The following DPP10 variants were observed in gnomAD, a reference collection of about 807,000 sequenced individuals.
The protein encoded by DPP10 is dipeptidyl peptidase like 10, also known as inactive dipeptidyl peptidase 10.
DPP10 carries 33 observed loss-of-function variants against 120.9 expected under a neutral mutation model. That is an observed-to-expected ratio of 0.27 (90% CI 0.21 to 0.37). DPP10 has a LOEUF of 0.37. Ranked by LOEUF, DPP10 falls within the 10% of genes least tolerant of loss-of-function variation. The pLI is 1.00. For missense variants in DPP10, 816 were observed against 942.8 expected (o/e 0.87, Z 1.76); for synonymous variants, 337 against 326.1 (o/e 1.03, Z -0.36).
chr2:115,375,433 G>A (rs564356523), intron 3 of DPP10, among the ~76,000 whole-genome samples: 2 of 152,226 alleles, frequency 1.3e-5, no homozygotes, highest in Admixed American at 6.5e-5. Context: ...CCCTTTTGGT[G>A]GAAACAATTA....
At chr2:114,864,829 C>A (rs1318226936) in intron 1 of DPP10, among the ~76,000 whole-genome samples, 1 of 152,182 alleles carries the variant, frequency 6.6e-6, no homozygotes, top group Non-Finnish European at 1.5e-5. Flanking sequence ...ACTACCTAGA[C>A]AAATGGTGCT....
At chr2:115,179,869 C>A (rs536239438) in intron 1 of DPP10, among the ~76,000 whole-genome samples, 1 of 152,016 alleles carries the variant, frequency 6.6e-6, no homozygotes, top group East Asian at 1.9e-4. Context: ...TACCAAGACT[C>A]GAAACCGTTT....
intron 1 of DPP10, among the ~76,000 whole-genome samples, chr2:115,136,931 C>T (rs919414057): frequency 1.3e-5 from 2 of 152,172 alleles, no homozygotes; most frequent in African/African-American, 4.8e-5. Flanking sequence ...ATGTAGACTA[C>T]ATTAGTTCTC....
chr2:115,227,394 CTTTCTTTTACTCTCTT>C (rs1333924167), intron 1 of DPP10, among the ~76,000 whole-genome samples: 1 of 152,070 alleles, frequency 6.6e-6, no homozygotes, highest in Non-Finnish European at 1.5e-5. Context: ...GAAATTTAAA[CTTTCTTTTACTCTCTT>C]TTTCTTTTTT....
intron 5 of DPP10, among the ~76,000 whole-genome samples, chr2:115,548,544 A>G (rs1234539982): frequency 1.3e-5 from 2 of 152,124 alleles, no homozygotes; most frequent in Non-Finnish European, 2.9e-5. Context: ...AGGAGCTTGT[A>G]TAATAGGCTT....
chr2:114,726,245 A>G (rs1702041447), intron 1 of DPP10, among the ~76,000 whole-genome samples: 1 of 151,980 alleles, frequency 6.6e-6, no homozygotes, highest in South Asian at 2.1e-4. Flanking sequence ...AAAAAAAAAA[A>G]AAAAAAAAGT....
chr2:115,184,362 A>C (rs557951497), intron 1 of DPP10, among the ~76,000 whole-genome samples: 56 of 152,330 alleles, frequency 3.7e-4, no homozygotes, highest in South Asian at 8.3e-4. Flanking sequence ...AGGGAGGAAG[A>C]AGAGGTCATT....
chr2:115,194,531 T>C (rs1573966329), intron 1 of DPP10, among the ~76,000 whole-genome samples: 1 of 152,188 alleles, frequency 6.6e-6, no homozygotes, highest in African/African-American at 2.4e-5. Flanking sequence ...AAAGATGGAA[T>C]GGCTGCTTGA....
intron 1 of DPP10, among the ~76,000 whole-genome samples, chr2:114,559,891 C>CAAAAAAAAAAAAAAAAAAAAA (rs60833358): frequency 3.0e-5 from 2 of 65,946 alleles, no homozygotes; most frequent in African/African-American, 4.9e-5. Flanking sequence ...AGAAAAAAAG[C>CAAAAAAAAAAAAAAAAAAAAA]AAAAAAAAAA....
chr2:115,194,373 C>T (rs537098886), intron 1 of DPP10, among the ~76,000 whole-genome samples: 20 of 152,176 alleles, frequency 1.3e-4, no homozygotes, highest in Admixed American at 3.9e-4. Flanking sequence ...AACAGGCATG[C>T]GCCACCACGC....
At chr2:115,743,841 C>A (rs1677605587) in intron 9 of DPP10, among the ~76,000 whole-genome samples, 1 of 150,598 alleles carries the variant, frequency 6.6e-6, no homozygotes, top group Non-Finnish European at 1.5e-5. Context: ...ACTCAGGTTT[C>A]ATGGACTTAC....
intron 5 of DPP10, among the ~76,000 whole-genome samples, chr2:115,560,425 TATATATATATATATATATATAC>T (rs1426428942): frequency 3.1e-5 from 2 of 65,068 alleles, no homozygotes; most frequent in African/African-American, 5.3e-5. Context: ...TATATATATA[TATATATATATATATATATATAC>T]GACAAGCTAC....
chr2:115,818,433 G>A (rs1559197649), intron 21 of DPP10, among the ~76,000 whole-genome samples: 1 of 152,120 alleles, frequency 6.6e-6, no homozygotes, highest in Admixed American at 6.5e-5. Flanking sequence ...TCTGCTTACT[G>A]TACACATAAA....
Position 114,955,394 on chromosome 2 carries a change from C to T in DPP10, c.61-353845C>T, listed in dbSNP as rs143540464. On this transcript the variant is annotated intron_variant, in intron 1 of 25. Transcript: ENST00000410059. ...CTATCTCATCCTGTGACTGAGAATG[C>T]CTTAACCGTCCGATAATGCAGCCCA... Among the ~76,000 whole-genome samples the T allele has an allele frequency of 9.0e-3, 1,368 of 152,252 alleles. 11 individuals carry two copies. The highest frequency in any genetic ancestry group is 0.031 in the African/African-American group (1,284 of 41,540).
chr2:115,657,529 C>G (rs1035788499), intron 5 of DPP10, among the ~76,000 whole-genome samples: 1 of 151,630 alleles, frequency 6.6e-6, no homozygotes, highest in Non-Finnish European at 1.5e-5. Context: ...TTACTCTTGT[C>G]TTTTCTCCCA....
intron 1 of DPP10, among the ~76,000 whole-genome samples, chr2:115,163,520 A>T (rs2052596960): frequency 6.6e-6 from 1 of 152,202 alleles, no homozygotes; most frequent in Non-Finnish European, 1.5e-5. Context: ...AAATATTAAA[A>T]CATCATACGT....
intron 1 of DPP10, among the ~76,000 whole-genome samples, chr2:115,020,418 G>A (rs758237995): frequency 6.6e-5 from 10 of 152,186 alleles, no homozygotes; most frequent in Middle Eastern, 3.4e-3. Flanking sequence ...GACAAAGAGG[G>A]ACATTATATA....
chr2:114,613,294 T>C (rs1184462490), intron 1 of DPP10, among the ~76,000 whole-genome samples: 1 of 152,126 alleles, frequency 6.6e-6, no homozygotes. Flanking sequence ...GGGGAAGATA[T>C]AAAATATTTA....
At chr2:114,541,377 T>C (rs1158667216) in intron 1 of DPP10, among the ~76,000 whole-genome samples, 1 of 152,320 alleles carries the variant, frequency 6.6e-6, no homozygotes, top group African/African-American at 2.4e-5. Context: ...CTCTCCTTTC[T>C]GTGCCAGCTT....
Sources: gnomAD v4.1 joint callset for allele counts (sites outside exome capture counted in the v4.1 genomes callset) on GRCh38, gnomAD v4.1.1 for gene constraint, MANE v1.5 for transcripts, NCBI Gene and HGNC (gene_info 2026-07-23, HGNC 2026-07-21) for gene names.